AFDN: variants seen among roughly 807,000 people sequenced by gnomAD.
The protein encoded by AFDN is afadin, adherens junction formation factor.
A neutral mutation model predicts 216.6 loss-of-function variants in AFDN; 68 were observed. The observed-to-expected ratio is 0.31, with a 90% CI of 0.26 to 0.38. The LOEUF (loss-of-function observed/expected upper bound fraction) is 0.38. Ranked by LOEUF, AFDN falls within the 10% of genes least tolerant of loss-of-function variation. The pLI is 1.00. For missense variants in AFDN, 2,136 were observed against 2,342.0 expected, an observed-to-expected ratio of 0.91 and a Z score of 1.82; for synonymous variants, 868 against 853.7, an observed-to-expected ratio of 1.02 and a Z score of -0.29.
chr6:167,845,349 A>G (rs1050224319), intron 1 of AFDN, among the ~76,000 whole-genome samples: 2 of 151,996 alleles, frequency 1.3e-5, no homozygotes, highest in African/African-American at 4.8e-5. Context: ...TTCTGATTTT[A>G]TGGTATTTTT....
chr6:167,875,553 A>G lies in AFDN; in HGVS notation c.739+58A>G, dbSNP rs1171885151. 5.8e-6 allele frequency: 9 copies of G among 1,563,458 alleles called. No individual in the cohort carries two copies. The East Asian group carries it at 1.6e-4, about 27-fold the overall frequency. ...GTTACAAAGAGCATTGTTTAATTAC[A>G]CTGTACGTGCGTGAGACTTGCTTTA... On this transcript the variant is annotated intron_variant, in intron 5 of 33. Transcript: ENST00000683244.
intron 12 of AFDN, among the ~76,000 whole-genome samples, chr6:167,906,022 G>C (rs1057475400): frequency 2.0e-5 from 3 of 152,164 alleles, no homozygotes; most frequent in African/African-American, 7.2e-5. Flanking sequence ...AGAATGGCGT[G>C]AACCTGGGAG....
At chr6:167,875,280 A>G (rs1785228191) in intron 4 of AFDN, 55 bp from the exon 5 acceptor site, 11 of 1,553,028 alleles carry the variant, frequency 7.1e-6, no homozygotes, top group East Asian at 2.2e-5. Context: ...CAATGTGTCT[A>G]TTTCTAATAA....
At chr6:167,944,397 AAAACT>A (rs1328202012) in intron 26 of AFDN, among the ~76,000 whole-genome samples, 1 of 152,206 alleles carries the variant, frequency 6.6e-6, no homozygotes, top group Non-Finnish European at 1.5e-5. Context: ...AACTGGGAAA[AAAACT>A]AAAGAATGAA....
At chr6:167,906,348 A>G (rs1342340152) in intron 12 of AFDN, among the ~76,000 whole-genome samples, 2 of 152,214 alleles carry the variant, frequency 1.3e-5, no homozygotes, top group African/African-American at 2.4e-5. Context: ...TTTATCAAGA[A>G]GATTGTAAAT....
intron 18 of AFDN, 39 bp from the exon 19 acceptor site, chr6:167,915,129 A>C: frequency 1.2e-6 from 2 of 1,604,236 alleles, no homozygotes; most frequent in Non-Finnish European, 1.7e-6. Flanking sequence ...TTCCTGGATG[A>C]CATTTTGCTC....
chr6:167,960,356 T>C (rs1459729045), intron 30 of AFDN, among the ~76,000 whole-genome samples: 1 of 151,954 alleles, frequency 6.6e-6, no homozygotes, highest in African/African-American at 2.4e-5. Flanking sequence ...TAGAGGTTTT[T>C]AAGAAGAAAA....
chr6:167,947,232 TGCAGTGGCGCGATCTC>T (rs1795380907), intron 27 of AFDN, among the ~76,000 whole-genome samples: 1 of 151,860 alleles, frequency 6.6e-6, no homozygotes, highest in Non-Finnish European at 1.5e-5. Context: ...TGGAGTGCAG[TGCAGTGGCGCGATCTC>T]GGCTAACTGC....
intron 11 of AFDN, among the ~76,000 whole-genome samples, chr6:167,898,687 A>G (rs943902086): frequency 1.1e-4 from 16 of 152,214 alleles, no homozygotes; most frequent in African/African-American, 3.9e-4. Flanking sequence ...CTGGTTTTAA[A>G]TTGTTTATAT....
At chr6:167,832,678 T>G (rs1004568609) in intron 1 of AFDN, among the ~76,000 whole-genome samples, 3 of 152,212 alleles carry the variant, frequency 2.0e-5, no homozygotes, top group African/African-American at 4.8e-5. Flanking sequence ...ACTTACAAAT[T>G]TATGCATGTA....
At chr6:167,930,527 G>C (rs1315189404) in intron 23 of AFDN, among the ~76,000 whole-genome samples, 1 of 152,238 alleles carries the variant, frequency 6.6e-6, no homozygotes, top group Non-Finnish European at 1.5e-5. Flanking sequence ...AAGGATGGCA[G>C]CGGGCCCTGT....
intron 27 of AFDN, among the ~76,000 whole-genome samples, chr6:167,947,391 G>T (rs905116081): frequency 6.6e-6 from 1 of 152,136 alleles, no homozygotes; most frequent in Non-Finnish European, 1.5e-5. Flanking sequence ...ATGTTAGCCA[G>T]GATGGTCTCG....
At chr6:167,883,767 A>C (rs1456421454) in intron 6 of AFDN, among the ~76,000 whole-genome samples, 1 of 152,208 alleles carries the variant, frequency 6.6e-6, no homozygotes, top group Admixed American at 6.5e-5. Context: ...GCTTGCGTGG[A>C]TGTTGATAGC....
At chr6:167,868,278 G>A (rs151004399) in intron 2 of AFDN, among the ~76,000 whole-genome samples, 5 of 152,264 alleles carry the variant, frequency 3.3e-5, no homozygotes, top group African/African-American at 1.2e-4. Flanking sequence ...GAATGTGGTA[G>A]CATGTACCTA....
intron 23 of AFDN, among the ~76,000 whole-genome samples, chr6:167,936,036 A>G (rs960018698): frequency 1.4e-4 from 21 of 152,304 alleles, no homozygotes; most frequent in Non-Finnish European, 2.5e-4. Flanking sequence ...GTTAATTTTA[A>G]TACCATATTT....
intron 3 of AFDN, 145 bp from the exon 4 acceptor site, chr6:167,872,069 C>T: frequency 1.4e-6 from 1 of 702,782 alleles, no homozygotes; most frequent in South Asian, 2.1e-5. Flanking sequence ...AAGATAAAGA[C>T]CATTCTCATT....
intron 1 of AFDN, among the ~76,000 whole-genome samples, chr6:167,848,080 G>A (rs1216470263): frequency 6.6e-6 from 1 of 152,122 alleles, no homozygotes; most frequent in African/African-American, 2.4e-5. Flanking sequence ...AGTCTTTGTT[G>A]ATTTACCCTA....
At chr6:167,836,533 T>A (rs1006512329) in intron 1 of AFDN, among the ~76,000 whole-genome samples, 6 of 151,962 alleles carry the variant, frequency 3.9e-5, no homozygotes, top group Non-Finnish European at 8.8e-5. Flanking sequence ...TGTGGATATA[T>A]TAAAAAAATA....
At chr6:167,843,606 A>T (rs1350942144) in intron 1 of AFDN, among the ~76,000 whole-genome samples, 4 of 152,258 alleles carry the variant, frequency 2.6e-5, no homozygotes, top group Admixed American at 2.0e-4. Flanking sequence ...TAACTGTCAT[A>T]CACAAACTCA....
Sources: gnomAD v4.1 joint callset for allele counts (sites outside exome capture counted in the v4.1 genomes callset) on GRCh38, gnomAD v4.1.1 for gene constraint, MANE v1.5 for transcripts, NCBI Gene and HGNC (gene_info 2026-07-23, HGNC 2026-07-21) for gene names.